CDH4: variants seen among roughly 807,000 people sequenced by gnomAD.
CDH4 encodes the protein cadherin 4.
CDH4 carries 33 observed loss-of-function variants against 86.0 expected under a neutral mutation model. That is an observed-to-expected ratio of 0.38 (90% CI 0.29 to 0.51). CDH4 has a LOEUF of 0.51. CDH4 is among the 20% of genes least tolerant of loss of function. The probability of loss-of-function intolerance (pLI) is 0.86; values close to 1 mark genes in which losing one functional copy is unlikely to be tolerated. For synonymous variants in CDH4, 555 were observed against 549.4 expected (o/e 1.01, Z -0.14); for missense variants, 1,114 against 1,307.4 (o/e 0.85, Z 2.28).
intron 6 of CDH4, among the ~76,000 whole-genome samples, chr20:61,865,330 C>T (rs1486629496): frequency 1.3e-5 from 2 of 152,162 alleles, no homozygotes; most frequent in African/African-American, 4.8e-5. Flanking sequence ...AACTGACTTC[C>T]TGGCTGGTTA....
At chr20:61,619,183 G>T (rs1177654278) in intron 2 of CDH4, among the ~76,000 whole-genome samples, 1 of 152,218 alleles carries the variant, frequency 6.6e-6, no homozygotes, top group Non-Finnish European at 1.5e-5. Flanking sequence ...TTGAGGAGCA[G>T]ATTGGGGCAT....
intron 2 of CDH4, among the ~76,000 whole-genome samples, chr20:61,261,715 G>A (rs6093081): frequency 0.11 from 17,326 of 152,172 alleles, 1,082 homozygotes; most frequent in African/African-American, 0.15. Flanking sequence ...AGACAGGATC[G>A]GACCCAGATG....
chr20:61,369,400 A>G (rs2084827593), intron 2 of CDH4, among the ~76,000 whole-genome samples: 1 of 144,814 alleles, frequency 6.9e-6, no homozygotes, highest in South Asian at 2.2e-4. Flanking sequence ...GCAGTGAGCC[A>G]AGACCATAAC....
chr20:61,517,657 G>A lies in CDH4; in HGVS notation c.170-225906G>A, dbSNP rs1003582612. ...GCAAAGTGAGGAGAATGACGGCAGC[G>A]CCGCTGTAGGACCATGGAGGGAATG... On this transcript the variant is annotated intron_variant, in intron 2 of 15. Coordinates refer to ENST00000614565, the MANE Select transcript of CDH4 (RefSeq NM_001794.5). This position sits in a 1 kb window ranked among gnomAD's most constrained non-coding sequence, Gnocchi z 6.6. Among the ~76,000 whole-genome samples, 28 of 151,798 alleles carry A rather than the reference G, an allele frequency of 1.8e-4. No individual in the cohort carries two copies. Among genetic ancestry groups the A allele is most frequent in the Admixed American group, 1.2e-3 (19 of 15,248 alleles).
chr20:61,920,028 G>GGTA (rs1568887668), intron 9 of CDH4, among the ~76,000 whole-genome samples: 1 of 140,322 alleles, frequency 7.1e-6, no homozygotes. Context: ...GTGGAAGCGT[G>GGTA]TCGTGATTGT....
At chr20:61,619,125 G>A (rs952337612) in intron 2 of CDH4, among the ~76,000 whole-genome samples, 6 of 152,168 alleles carry the variant, frequency 3.9e-5, no homozygotes, top group African/African-American at 1.4e-4. Flanking sequence ...TATGTGCTTG[G>A]CAGGTCTCAG....
intron 2 of CDH4, among the ~76,000 whole-genome samples, chr20:61,715,746 G>C (rs996633681): frequency 5.3e-5 from 8 of 152,178 alleles, no homozygotes; most frequent in Non-Finnish European, 8.8e-5. Flanking sequence ...TGTGACTCAG[G>C]TCTCAGAGCA....
At chr20:61,666,133 C>A (rs1159543023) in intron 2 of CDH4, among the ~76,000 whole-genome samples, 1 of 152,224 alleles carries the variant, frequency 6.6e-6, no homozygotes, top group African/African-American at 2.4e-5. Context: ...TTAATCCTGG[C>A]TTGCAAGTAA....
chr20:61,476,406 A>G (rs2085536192), intron 2 of CDH4, among the ~76,000 whole-genome samples: 3 of 152,210 alleles, frequency 2.0e-5, no homozygotes, highest in Non-Finnish European at 4.4e-5. Context: ...TGTTCTGAAC[A>G]TGTGTGGTCT....
chr20:61,848,683 G>A (rs1038501151), intron 5 of CDH4, among the ~76,000 whole-genome samples: 5 of 152,162 alleles, frequency 3.3e-5, no homozygotes, highest in South Asian at 2.1e-4. Context: ...CCGCCACCAC[G>A]CCCAGCTAAT....
rs144052567 is a variant in CDH4 at position 61,299,078 on chromosome 20, T to TG, written c.169+44147dup. Among the ~76,000 whole-genome samples, 999 of 152,062 alleles carry TG rather than the reference T, an allele frequency of 6.6e-3. 15 individuals are homozygous for TG. The highest frequency in any genetic ancestry group is 0.023 in the African/African-American group (946 of 41,492). On this transcript the variant is annotated intron_variant, in intron 2 of 15. Coordinates refer to ENST00000614565, the MANE Select transcript of CDH4 (RefSeq NM_001794.5). ...CGCGTGATCATATCTGGAAAAAAAA[T>TG]GGGGGGTCTTTGTAGATGGAATCAA...
chr20:61,818,885 C>T (rs140986859), intron 4 of CDH4, among the ~76,000 whole-genome samples: 466 of 152,144 alleles, frequency 3.1e-3, no homozygotes, highest in Middle Eastern at 0.02. Flanking sequence ...TGACGCATGT[C>T]GTCCTAACTG....
intron 2 of CDH4, among the ~76,000 whole-genome samples, chr20:61,320,226 C>T (rs1411365108): frequency 6.6e-6 from 1 of 152,186 alleles, no homozygotes; most frequent in African/African-American, 2.4e-5. Flanking sequence ...GCGTCTTATG[C>T]ATGCTGACTG....
intron 1 of CDH4, among the ~76,000 whole-genome samples, chr20:61,253,261 C>CGGGCG (rs1318841901): frequency 6.6e-6 from 1 of 151,044 alleles, no homozygotes; most frequent in Non-Finnish European, 1.5e-5. Flanking sequence ...GGACGCCGGG[C>CGGGCG]GGGCGCGGCG....
chr20:61,254,694 G>A lies in CDH4; in HGVS notation c.58-132G>A, dbSNP rs3752253. ...GAGGAGCAGACGGGGTATCGCGTCT[G>A]GGTGGAGACGGTGGCCTGCCAGCCT... is the stretch of plus-strand genomic sequence containing the variant. On this transcript the variant is annotated intron_variant, in intron 1 of 15. Coordinates refer to ENST00000614565, the MANE Select transcript of CDH4 (RefSeq NM_001794.5). 1.4e-4 allele frequency: 98 copies of A among 692,948 alleles called. No homozygotes were observed. The East Asian group carries it at 2.4e-3, about 17-fold the overall frequency. The allele number at this position is 692,948 out of a possible 1,614,324, so 42.9% of individuals were successfully genotyped here.
chr20:61,686,645 T>C (rs2087580814), intron 2 of CDH4, among the ~76,000 whole-genome samples: 1 of 141,936 alleles, frequency 7.0e-6, no homozygotes. Context: ...TCGTGTGCAT[T>C]CGCGTGTGTG....
chr20:61,662,006 G>T (rs1439252306), intron 2 of CDH4, among the ~76,000 whole-genome samples: 1 of 152,116 alleles, frequency 6.6e-6, no homozygotes, highest in Non-Finnish European at 1.5e-5. Context: ...TTTTTAAAAG[G>T]TTAATTTGTG....
At chr20:61,620,512 TCGTA>T (rs898273293) in intron 2 of CDH4, among the ~76,000 whole-genome samples, 8 of 150,438 alleles carry the variant, frequency 5.3e-5, no homozygotes, top group Admixed American at 3.3e-4. Flanking sequence ...GATGATAGAT[TCGTA>T]CATACATACA....
At chr20:61,779,575 G>C (rs1212474517) in intron 4 of CDH4, among the ~76,000 whole-genome samples, 1 of 152,250 alleles carries the variant, frequency 6.6e-6, no homozygotes, top group Admixed American at 6.5e-5. Context: ...GAAGTGCAAC[G>C]TTTCCTTCAC....
Sources: gnomAD v4.1 joint callset for allele counts (sites outside exome capture counted in the v4.1 genomes callset) on GRCh38, gnomAD v4.1.1 for gene constraint, Gnocchi (gnomAD v3.1) non-coding constraint, MANE v1.5 for transcripts, NCBI Gene and HGNC (gene_info 2026-07-23, HGNC 2026-07-21) for gene names.